PLEKHD1: variants seen among roughly 807,000 people sequenced by gnomAD.
PLEKHD1 encodes pleckstrin homology domain-containing family D member 1.
In PLEKHD1, 51 loss-of-function variants were observed where a neutral mutation model predicts 69.2. That is an observed-to-expected ratio of 0.74 (90% CI 0.59 to 0.93). The LOEUF (loss-of-function observed/expected upper bound fraction) is 0.93. Among genes scored for constraint, PLEKHD1 ranks in the 40% least tolerant of loss-of-function variants. The pLI is 0.00. For missense variants in PLEKHD1, 584 were observed against 641.0 expected, an observed-to-expected ratio of 0.91 and a Z score of 0.96; for synonymous variants, 236 against 244.7, an observed-to-expected ratio of 0.96 and a Z score of 0.33.
intron 6 of PLEKHD1, among the ~76,000 whole-genome samples, chr14:69,518,627 G>A (rs1398365131): frequency 6.6e-6 from 1 of 152,192 alleles, no homozygotes; most frequent in Non-Finnish European, 1.5e-5. Context: ...AATACAATTA[G>A]TTTTACTGAG....
At chr14:69,491,982 C>T (rs1882785995) in intron 1 of PLEKHD1, among the ~76,000 whole-genome samples, 1 of 152,116 alleles carries the variant, frequency 6.6e-6, no homozygotes, top group South Asian at 2.1e-4. Flanking sequence ...GTGGACTTCC[C>T]TATGGCTAAA....
intron 6 of PLEKHD1, among the ~76,000 whole-genome samples, chr14:69,521,809 T>G (rs959875397): frequency 6.6e-6 from 1 of 152,018 alleles, no homozygotes; most frequent in Admixed American, 6.5e-5. Context: ...TCAAGAAAAA[T>G]AGAGTCCTTA....
At chr14:69,471,499 A>G in the PLEKHD1 span, among the ~76,000 whole-genome samples, 1 of 152,052 alleles carries the variant, frequency 6.6e-6, no homozygotes, top group African/African-American at 2.4e-5. Context: ...TCTTAACTAC[A>G]CTGTAGAGGT....
In PLEKHD1 at chr14:69,501,799, T is replaced by A. The variant is rs1244486776; in HGVS notation, c.476T>A (p.Leu159Ter). ...IKSLEAQGLQLAKEKQEYLDK... is the reference protein window; with the variant it reads ...IKSLEAQGLQ ...AGCCTGGAGGCCCAGGGGCTGCAGT[T>A]GGCTAAGGAAAAGCAGGAGTATTTA... Residue 159 changes from leucine to a stop codon, truncating the protein, a stop_gained, in exon 5 of 13, where the codon TTG becomes TAG. Transcript: ENST00000322564. LOFTEE classifies it high-confidence loss of function. The A allele has an allele frequency of 1.3e-6, 2 of 1,551,424 alleles. No homozygotes were observed. Among genetic ancestry groups the A allele is most frequent in the Middle Eastern group, 1.7e-4 (1 of 5,988 alleles).
chr14:69,522,164 G>A, intron 6 of PLEKHD1, 119 bp from the exon 7 acceptor site: 1 of 887,418 alleles, frequency 1.1e-6, no homozygotes, highest in Non-Finnish European at 1.7e-6. Flanking sequence ...CCGGTCTGGT[G>A]CAGCACATGA....
upstream of PLEKHD1, among the ~76,000 whole-genome samples, chr14:69,481,772 A>G (rs564329578): frequency 8.5e-5 from 13 of 152,366 alleles, no homozygotes; most frequent in East Asian, 2.3e-3. Flanking sequence ...GTATTAGAAC[A>G]TCAGCTCTGT....
chr14:69,502,740 C>T lies in PLEKHD1; in HGVS notation c.503-87C>T, dbSNP rs568345692. The stretch of plus-strand genomic sequence containing the variant: ...CCTTGGGAGATGCTGGGGGTGACAG[C>T]GACCACCTCAGGCACCAGCTCCCTC... On this transcript the variant is annotated intron_variant, in intron 5 of 12. Transcript: ENST00000322564. 153 of 1,508,668 alleles carry T rather than the reference C, an allele frequency of 1.0e-4. 3 individuals are homozygous for T. The South Asian group carries it at 1.7e-3, about 17-fold the overall frequency. The allele number at this position is 1,508,668 out of a possible 1,614,324, so 93.5% of individuals were successfully genotyped here.
the PLEKHD1 span, among the ~76,000 whole-genome samples, chr14:69,476,902 G>A: frequency 6.6e-6 from 1 of 152,212 alleles, no homozygotes; most frequent in Non-Finnish European, 1.5e-5. Context: ...CATGCGGCTG[G>A]GGAAGCCTCA....
chr14:69,487,560 CT>C (rs148139627), intron 1 of PLEKHD1, among the ~76,000 whole-genome samples: 6,960 of 152,294 alleles, frequency 0.046, 221 homozygotes, highest in South Asian at 0.11. Flanking sequence ...TCTATAAAAC[CT>C]TTTCCACTCA....
At chr14:69,474,408 C>T in the PLEKHD1 span, among the ~76,000 whole-genome samples, 1 of 152,208 alleles carries the variant, frequency 6.6e-6, no homozygotes, top group Non-Finnish European at 1.5e-5. Flanking sequence ...AGCTAACATT[C>T]TTTTCTGCTA....
At chr14:69,489,583 G>GAAA (rs1024826106) in intron 1 of PLEKHD1, among the ~76,000 whole-genome samples, 1 of 111,270 alleles carries the variant, frequency 9.0e-6, no homozygotes, top group African/African-American at 3.3e-5. Flanking sequence ...AAAAAAAAAG[G>GAAA]AAAAAAAAAG....
At chr14:69,485,241 A>C in intron 1 of PLEKHD1, 127 bp downstream of exon 1, 2 of 1,103,906 alleles carry the variant, frequency 1.8e-6, no homozygotes, top group Non-Finnish European at 2.5e-6. Context: ...ACCCCTTTTC[A>C]CTCTACACTG....
the PLEKHD1 span, among the ~76,000 whole-genome samples, chr14:69,472,394 C>T: frequency 6.6e-5 from 10 of 152,200 alleles, no homozygotes; most frequent in Admixed American, 6.5e-4. Flanking sequence ...TGCAATGTCT[C>T]CTTCCATTAG....
intron 6 of PLEKHD1, among the ~76,000 whole-genome samples, chr14:69,518,760 T>C (rs1883442604): frequency 6.6e-6 from 1 of 152,142 alleles, no homozygotes; most frequent in Admixed American, 6.6e-5. Context: ...TGTTGTTTTA[T>C]GGCCTCAAGG....
In PLEKHD1 at chr14:69,527,894, G is replaced by A. The variant is rs768630617; in HGVS notation, c.1313G>A (p.Arg438His). 51 of 1,551,476 alleles carry A rather than the reference G, an allele frequency of 3.3e-5. No homozygotes were observed. The African/African-American group carries it at 4.5e-4, about 14-fold the overall frequency. The change falls in exon 12 of 13, where the codon CGC (arginine) becomes CAC (histidine). Residue 438 changes from arginine to histidine, a missense_variant. By Grantham distance (29) the Arg-to-His change is conservative. Coordinates refer to ENST00000322564, the MANE Select transcript of PLEKHD1 (RefSeq NM_001161498.2). Reference protein sequence around the residue: ...KAATRRIKSCRFHRRRSSTSW... With the variant: ...KAATRRIKSCHFHRRRSSTSW... Reference sequence around the variant, plus strand: ...GCCACTCGCCGCATCAAGAGCTGCCGCTTCCACCGACGCCGGTCCAGCACC... The same window carrying A: ...GCCACTCGCCGCATCAAGAGCTGCCACTTCCACCGACGCCGGTCCAGCACC...
intron 6 of PLEKHD1, among the ~76,000 whole-genome samples, chr14:69,521,187 G>A (rs566396624): frequency 6.6e-6 from 1 of 152,294 alleles, no homozygotes; most frequent in Admixed American, 6.5e-5. Flanking sequence ...CAGTCTTGGT[G>A]GTGACAACAA....
chr14:69,509,820 C>T (rs1883231436), intron 6 of PLEKHD1, among the ~76,000 whole-genome samples: 2 of 152,038 alleles, frequency 1.3e-5, no homozygotes, highest in South Asian at 4.1e-4. Context: ...CGCCTGTAAT[C>T]CCAGCTACTC....
upstream of PLEKHD1, among the ~76,000 whole-genome samples, chr14:69,480,642 G>T (rs948446305): frequency 6.6e-6 from 1 of 150,994 alleles, no homozygotes; most frequent in African/African-American, 2.4e-5. Context: ...TAATACCCTT[G>T]TGTATAAGAT....
In PLEKHD1 at chr14:69,501,812, G is replaced by T; in HGVS notation, c.489G>T (p.Lys163Asn). Residue 163 changes from lysine to asparagine, a missense_variant, in exon 5 of 13, where the codon AAG becomes AAT. Coordinates refer to ENST00000322564, the MANE Select transcript of PLEKHD1 (RefSeq NM_001161498.2). The part of the protein sequence containing the change: ...EAQGLQLAKE[K>N]QEYLDKLMEE... ...AGGGGCTGCAGTTGGCTAAGGAAAAGCAGGAGTATTTAGGTTGGCTGGAGG... is the reference window on the plus strand; with the variant it reads ...AGGGGCTGCAGTTGGCTAAGGAAAATCAGGAGTATTTAGGTTGGCTGGAGG... The T allele has an allele frequency of 1.3e-6, 2 of 1,551,276 alleles. No homozygotes were observed. The highest frequency in any genetic ancestry group is 1.7e-6 in the Non-Finnish European group (2 of 1,146,678).
Sources: allele counts gnomAD v4.1 joint callset (sites outside exome capture counted in the v4.1 genomes callset), GRCh38; gene constraint gnomAD v4.1.1; transcripts MANE v1.5; gene names NCBI Gene and HGNC (gene_info 2026-07-23, HGNC 2026-07-21).